KCNJ15: variants seen among roughly 807,000 people sequenced by gnomAD.
KCNJ15 encodes the protein potassium inwardly rectifying channel subfamily J member 15.
In KCNJ15, 14 loss-of-function variants were observed where a neutral mutation model predicts 23.0. The ratio of observed to expected loss-of-function variants is 0.61; its 90% CI spans 0.40 to 0.95. The LOEUF (loss-of-function observed/expected upper bound fraction) is 0.95, where lower values mean the gene tolerates loss of function less well. Ranked by LOEUF, KCNJ15 falls within the 40% of genes least tolerant of loss-of-function variation. The pLI, the probability that KCNJ15 is intolerant of heterozygous loss-of-function variation, is 0.00. For synonymous variants in KCNJ15, 185 were observed against 183.2 expected, an observed-to-expected ratio of 1.01 and a Z score of -0.08; for missense variants, 388 against 461.8, an observed-to-expected ratio of 0.84 and a Z score of 1.46.
At chr21:38,287,580 G>A (rs1984050648) in intron 1 of KCNJ15, among the ~76,000 whole-genome samples, 1 of 152,072 alleles carries the variant, frequency 6.6e-6, no homozygotes, top group Non-Finnish European at 1.5e-5. Flanking sequence ...CATGTGACAG[G>A]CTTATACTAA....
intron 1 of KCNJ15, among the ~76,000 whole-genome samples, chr21:38,248,609 T>C (rs1403224408): frequency 2.0e-5 from 3 of 152,204 alleles, no homozygotes; most frequent in Non-Finnish European, 4.4e-5. Flanking sequence ...TCAGGATCTC[T>C]GCATACATTC....
At chr21:38,241,809 T>A (rs9305637) in intron 1 of KCNJ15, among the ~76,000 whole-genome samples, 69,940 of 151,336 alleles carry the variant, frequency 0.46, 16,926 homozygotes, top group East Asian at 0.86. Flanking sequence ...TCTACTAAAA[T>A]ACAAAAAAAA....
chr21:38,236,854 A>T (rs944137296), intron 1 of KCNJ15, among the ~76,000 whole-genome samples: 2 of 152,228 alleles, frequency 1.3e-5, no homozygotes, highest in Middle Eastern at 3.2e-3. Context: ...AGATTATTCA[A>T]TCATAAGCCT....
At chr21:38,283,923 T>C (rs1983616190) in intron 1 of KCNJ15, among the ~76,000 whole-genome samples, 1 of 152,226 alleles carries the variant, frequency 6.6e-6, no homozygotes, top group Admixed American at 6.5e-5. Flanking sequence ...TCTCTGACTC[T>C]GCCTGGTCTT....
chr21:38,276,373 G>A (rs372834303), intron 1 of KCNJ15, among the ~76,000 whole-genome samples: 10 of 152,140 alleles, frequency 6.6e-5, no homozygotes, highest in East Asian at 5.8e-4. Context: ...AGGGCTGGGC[G>A]TGTCCCCATG....
At chr21:38,256,884 C>G (rs1329607079), upstream of KCNJ15, 1 of 151,634 alleles carries the variant, frequency 6.6e-6, no homozygotes, top group Non-Finnish European at 1.5e-5. Context: ...CACTCTCTCT[C>G]TCTGTCTCTC....
rs1979665424 is a variant in KCNJ15 at position 38,249,249 on chromosome 21, C to T, written c.-398-7797C>T. The stretch of plus-strand genomic sequence containing the variant: ...AAAACAAAACATAATGACTTTTGCC[C>T]AAGAGATTGCAATGATTGTTTAAAT... On this transcript the variant is annotated intron_variant, in intron 1 of 4. Coordinates refer to the KCNJ15 transcript ENST00000547341. Among the ~76,000 whole-genome samples the T allele has an allele frequency of 2.0e-5, 3 of 152,022 alleles. No individual in the cohort carries two copies. In the South Asian group the frequency reaches 6.2e-4, roughly 32 times the overall value.
chr21:38,275,182 T>C (rs772646464), intron 1 of KCNJ15, among the ~76,000 whole-genome samples: 6 of 152,216 alleles, frequency 3.9e-5, no homozygotes, highest in Admixed American at 2.6e-4. Context: ...CTTGAATTCA[T>C]GTATTACTTA....
intron 1 of KCNJ15, among the ~76,000 whole-genome samples, chr21:38,282,508 G>C (rs1382007605): frequency 6.6e-6 from 1 of 152,128 alleles, no homozygotes; most frequent in East Asian, 1.9e-4. Context: ...CTACGAATCA[G>C]AATAGGAAGA....
intron 1 of KCNJ15, among the ~76,000 whole-genome samples, chr21:38,291,021 C>A (rs900245564): frequency 6.7e-6 from 1 of 149,146 alleles, no homozygotes; most frequent in Admixed American, 6.7e-5. Flanking sequence ...CACACACACA[C>A]ACACGTATAT....
rs559630698 is a variant in KCNJ15, at chr21:38,289,748, A to G, written c.-116-7178A>G. On this transcript the variant is annotated intron_variant, in intron 1 of 2. Transcript: ENST00000398938. Reference sequence around the variant, plus strand: ...ACTCCATCTCAAAAAAGAAAAAAAGAAAATTGAGCAGTGCATTACGGAGGC... The same window carrying G: ...ACTCCATCTCAAAAAAGAAAAAAAGGAAATTGAGCAGTGCATTACGGAGGC... 4.6e-5 allele frequency among the ~76,000 whole-genome samples: 7 copies of G among 152,282 alleles called. No homozygotes were observed. In the East Asian group the frequency reaches 1.4e-3, roughly 29 times the overall value.
At chr21:38,294,815 A>T (rs936899614) in intron 1 of KCNJ15, among the ~76,000 whole-genome samples, 1 of 152,332 alleles carries the variant, frequency 6.6e-6, no homozygotes, top group Non-Finnish European at 1.5e-5. Flanking sequence ...TGCTCACAGC[A>T]TAAGCACTCA....
At chr21:38,230,913 T>TCC (rs1814205534) in intron 1 of KCNJ15, among the ~76,000 whole-genome samples, 1 of 152,084 alleles carries the variant, frequency 6.6e-6, no homozygotes, top group Non-Finnish European at 1.5e-5. Context: ...TCCTTTGAAT[T>TCC]CCCATATACA....
intron 1 of KCNJ15, among the ~76,000 whole-genome samples, chr21:38,294,001 G>T (rs1429641519): frequency 6.6e-6 from 1 of 152,206 alleles, no homozygotes; most frequent in African/African-American, 2.4e-5. Context: ...AAGGCCAAAG[G>T]TCATGGTGCA....
At chr21:38,258,834 C>G (rs1444722161) in intron 1 of KCNJ15, among the ~76,000 whole-genome samples, 1 of 152,176 alleles carries the variant, frequency 6.6e-6, no homozygotes, top group Non-Finnish European at 1.5e-5. Flanking sequence ...CTCACCAGTG[C>G]AGACAGCCAG....
chr21:38,264,147 T>C (rs1361957030), intron 1 of KCNJ15, among the ~76,000 whole-genome samples: 1 of 152,258 alleles, frequency 6.6e-6, no homozygotes, highest in Admixed American at 6.5e-5. Context: ...GGGCACTCAC[T>C]GAATGTAGTT....
chr21:38,234,439 C>A (rs1978466929), intron 1 of KCNJ15, among the ~76,000 whole-genome samples: 1 of 152,168 alleles, frequency 6.6e-6, no homozygotes, highest in Non-Finnish European at 1.5e-5. Context: ...GGGTTCCTGG[C>A]CGACTAAAGA....
intron 1 of KCNJ15, among the ~76,000 whole-genome samples, chr21:38,259,621 G>A (rs1980673924): frequency 6.6e-6 from 1 of 152,146 alleles, no homozygotes; most frequent in Non-Finnish European, 1.5e-5. Context: ...TTATTCATGG[G>A]CAAATACAAG....
upstream of KCNJ15, among the ~76,000 whole-genome samples, chr21:38,252,073 G>A (rs1423739741): frequency 6.6e-6 from 1 of 152,168 alleles, no homozygotes. Flanking sequence ...GGAGACAGGC[G>A]ATTCTATAAC....
Sources: gnomAD v4.1 joint callset for allele counts (sites outside exome capture counted in the v4.1 genomes callset) on GRCh38, gnomAD v4.1.1 for gene constraint, MANE v1.5 for transcripts, NCBI Gene and HGNC (gene_info 2026-07-23, HGNC 2026-07-21) for gene names.